Variants in CSMD1 observed in about 807,000 individuals in gnomAD.
CSMD1 encodes CUB and Sushi multiple domains 1.
Under a neutral mutation model 417.5 loss-of-function variants are expected in CSMD1, and 213 were observed. The observed-to-expected ratio is 0.51, with a 90% CI of 0.46 to 0.57. CSMD1 has a LOEUF of 0.57. Ranked by LOEUF, CSMD1 falls within the 20% of genes least tolerant of loss-of-function variation. CSMD1 has a pLI of 0.00. For missense variants in CSMD1, 6,923 were observed against 4,529.7 expected, an observed-to-expected ratio of 1.53 and a Z score of -15.17; for synonymous variants, 2,862 against 1,736.8, an observed-to-expected ratio of 1.65 and a Z score of -16.11.
rs542931100 is a variant in CSMD1 at position 4,765,808 on chromosome 8, G to A, written c.86-128250C>T. Among the ~76,000 whole-genome samples, 9 of 152,262 alleles carry A rather than the reference G, an allele frequency of 5.9e-5. No homozygotes were observed. In the East Asian group the frequency reaches 1.7e-3, roughly 30 times the overall value. Reference sequence around the variant, plus strand: ...GCCTGGGGGTTGATGAAAGGTAGCTGGATGTGGAGTTAACAATAGTTAGAG... The same window carrying A: ...GCCTGGGGGTTGATGAAAGGTAGCTAGATGTGGAGTTAACAATAGTTAGAG... On this transcript the variant is annotated intron_variant, in intron 1 of 69. Coordinates refer to ENST00000635120, the MANE Select transcript of CSMD1 (RefSeq NM_033225.6).
chr8:4,541,472 G>T (rs1019409867), intron 2 of CSMD1, among the ~76,000 whole-genome samples: 5 of 152,172 alleles, frequency 3.3e-5, no homozygotes, highest in Non-Finnish European at 5.9e-5. Flanking sequence ...AAATCGGTAG[G>T]CGTCGTGGCT....
intron 12 of CSMD1, among the ~76,000 whole-genome samples, chr8:3,449,281 T>G (rs1236386022): frequency 6.6e-6 from 1 of 152,170 alleles, no homozygotes. Flanking sequence ...TCTGAGAGAC[T>G]AAACTCAGCT....
rs1450141883 is a variant in CSMD1 at position 4,255,914 on chromosome 8, T to G, written c.415+164039A>C. 2.0e-5 allele frequency among the ~76,000 whole-genome samples: 3 copies of G among 152,194 alleles called. No homozygotes were observed. In the East Asian group the frequency reaches 5.8e-4, roughly 29 times the overall value. ...AAACCCATGAGGGCAGAGGTAGCCT[T>G]TGTTGTGTTCTTGACTTTCTCCCCA... On this transcript the variant is annotated intron_variant, in intron 3 of 69. Transcript: ENST00000635120.
At chr8:4,925,473 A>G (rs567038474) in intron 1 of CSMD1, among the ~76,000 whole-genome samples, 4 of 152,058 alleles carry the variant, frequency 2.6e-5, no homozygotes, top group Admixed American at 6.6e-5. Context: ...AAAATATTTA[A>G]AACTCAGTAA....
At chr8:3,012,976 G>A (rs1056927835) in intron 52 of CSMD1, among the ~76,000 whole-genome samples, 4 of 152,122 alleles carry the variant, frequency 2.6e-5, no homozygotes, top group Non-Finnish European at 4.4e-5. Flanking sequence ...GAGTTCCCCT[G>A]CACACGCTCT....
chr8:3,802,703 G>C (rs1647234344), intron 5 of CSMD1, among the ~76,000 whole-genome samples: 2 of 152,132 alleles, frequency 1.3e-5, no homozygotes, highest in South Asian at 2.1e-4. Context: ...AAAATATAGT[G>C]CTTGACAATT....
intron 10 of CSMD1, among the ~76,000 whole-genome samples, chr8:3,550,482 G>T (rs191439816): frequency 6.6e-6 from 1 of 152,110 alleles, no homozygotes; most frequent in African/African-American, 2.4e-5. Flanking sequence ...TGTGCATATC[G>T]ATGGGGTGCA....
intron 2 of CSMD1, among the ~76,000 whole-genome samples, chr8:4,533,659 T>G (rs774065429): frequency 6.6e-6 from 1 of 152,096 alleles, no homozygotes; most frequent in Non-Finnish European, 1.5e-5. Flanking sequence ...ACGATGTCAT[T>G]GCAAACTGAA....
intron 2 of CSMD1, among the ~76,000 whole-genome samples, chr8:4,613,470 C>T (rs1801299581): frequency 6.6e-6 from 1 of 152,132 alleles, no homozygotes; most frequent in Admixed American, 6.6e-5. Flanking sequence ...ACCTGTTCAC[C>T]ATGGCCTGGA....
chr8:3,806,798 T>A (rs1372859463), intron 5 of CSMD1, among the ~76,000 whole-genome samples: 1 of 152,170 alleles, frequency 6.6e-6, no homozygotes, highest in Non-Finnish European at 1.5e-5. Flanking sequence ...AAATACTAGG[T>A]GCAGCATAGT....
chr8:3,928,389 G>A (rs988113081), intron 5 of CSMD1, among the ~76,000 whole-genome samples: 2 of 152,124 alleles, frequency 1.3e-5, no homozygotes, highest in Non-Finnish European at 2.9e-5. Flanking sequence ...AAATGTGTAG[G>A]TAGCAGTGAA....
intron 2 of CSMD1, among the ~76,000 whole-genome samples, chr8:4,428,640 G>T (rs1215874173): frequency 1.3e-5 from 2 of 152,076 alleles, no homozygotes; most frequent in Non-Finnish European, 2.9e-5. Flanking sequence ...GGAAACTACA[G>T]AACTTTTAGG....
At chr8:4,338,085 A>C (rs1257666032) in intron 3 of CSMD1, among the ~76,000 whole-genome samples, 1 of 152,126 alleles carries the variant, frequency 6.6e-6, no homozygotes, top group Admixed American at 6.6e-5. Flanking sequence ...TAATACATGC[A>C]CTTTTATGTG....
At chr8:3,841,948 G>C (rs10098148) in intron 5 of CSMD1, among the ~76,000 whole-genome samples, 19,368 of 152,106 alleles carry the variant, frequency 0.13, 1,282 homozygotes, top group East Asian at 0.16. Context: ...AAAAGAAAAG[G>C]AAAGTTACTG....
intron 46 of CSMD1, among the ~76,000 whole-genome samples, chr8:3,097,863 C>A (rs756644815): frequency 6.6e-6 from 1 of 152,158 alleles, no homozygotes; most frequent in Non-Finnish European, 1.5e-5. Flanking sequence ...GTCTCAATCC[C>A]ACATGGGACA....
intron 1 of CSMD1, among the ~76,000 whole-genome samples, chr8:4,682,926 C>G (rs1269031873): frequency 7.0e-6 from 1 of 143,308 alleles, no homozygotes; most frequent in East Asian, 2.1e-4. Context: ...AAATGTTTCT[C>G]TCATTTCTTT....
intron 52 of CSMD1, among the ~76,000 whole-genome samples, chr8:3,000,488 T>C (rs561232392): frequency 6.6e-6 from 1 of 152,168 alleles, no homozygotes. Flanking sequence ...GGAATTAACA[T>C]GAACAGGGCT....
intron 41 of CSMD1, 72 bp downstream of exon 41, chr8:3,142,393 T>C (rs1324032675): frequency 2.1e-5 from 28 of 1,306,856 alleles, no homozygotes; most frequent in East Asian, 5.0e-5. Flanking sequence ...TAGGGAGATT[T>C]ATACTTAAAT....
intron 3 of CSMD1, among the ~76,000 whole-genome samples, chr8:4,165,173 C>T (rs1346030035): frequency 2.0e-5 from 3 of 152,142 alleles, no homozygotes; most frequent in African/African-American, 4.8e-5. Flanking sequence ...ATGATACCTA[C>T]GCCTAGCCAG....
Sources: gnomAD v4.1 joint callset for allele counts (sites outside exome capture counted in the v4.1 genomes callset) on GRCh38, gnomAD v4.1.1 for gene constraint, MANE v1.5 for transcripts, NCBI Gene and HGNC (gene_info 2026-07-23, HGNC 2026-07-21) for gene names.